The following PBK variants were observed in gnomAD, a reference collection of about 807,000 sequenced individuals.
PBK encodes lymphokine-activated killer T-cell-originated protein kinase.
Under a neutral mutation model 33.5 loss-of-function variants are expected in PBK, and 22 were observed. The observed-to-expected ratio is 0.66, with a 90% CI of 0.47 to 0.94. PBK has a LOEUF of 0.94. PBK is among the 40% of genes least tolerant of loss of function. The pLI, the probability that PBK is intolerant of heterozygous loss-of-function variation, is 0.00. For synonymous variants in PBK, 129 were observed against 123.8 expected, an observed-to-expected ratio of 1.04 and a Z score of -0.28; for missense variants, 376 against 383.4, an observed-to-expected ratio of 0.98 and a Z score of 0.16.
chr8:27,836,401 G>A (rs1316810592), intron 1 of PBK, among the ~76,000 whole-genome samples: 1 of 151,814 alleles, frequency 6.6e-6, no homozygotes, highest in Non-Finnish European at 1.5e-5. Context: ...ACAGAAAGCT[G>A]TTGGAGAGTT....
intron 5 of PBK, among the ~76,000 whole-genome samples, chr8:27,822,088 G>C (rs533614951): frequency 1.3e-5 from 2 of 152,170 alleles, no homozygotes; most frequent in East Asian, 3.9e-4. Flanking sequence ...ATGTCCGCAC[G>C]CACAGTGATG....
intron 1 of PBK, among the ~76,000 whole-genome samples, chr8:27,834,931 A>G (rs954922860): frequency 1.3e-5 from 2 of 152,014 alleles, no homozygotes; most frequent in African/African-American, 2.4e-5. Context: ...GAAAATGTAC[A>G]TACCACATAT....
intron 2 of PBK, among the ~76,000 whole-genome samples, chr8:27,831,539 A>C: frequency 9.2e-6 from 1 of 109,112 alleles, no homozygotes; most frequent in African/African-American, 4.3e-5. Flanking sequence ...TATCATTGAC[A>C]TTTGTAGAAC....
At chr8:27,829,929 GT>G (rs200107672) in intron 2 of PBK, among the ~76,000 whole-genome samples, 2,447 of 151,780 alleles carry the variant, frequency 0.016, 59 homozygotes, top group African/African-American at 0.054. Flanking sequence ...GAGGCCAAGA[GT>G]GGTGGCTCAC....
At chr8:27,835,714 G>T (rs754988488) in intron 1 of PBK, among the ~76,000 whole-genome samples, 2 of 152,186 alleles carry the variant, frequency 1.3e-5, no homozygotes, top group Non-Finnish European at 2.9e-5. Flanking sequence ...ACCATGCCCG[G>T]CTAATTTTTT....
chr8:27,834,715 G>A (rs1259511832), intron 1 of PBK, among the ~76,000 whole-genome samples: 4 of 152,116 alleles, frequency 2.6e-5, no homozygotes, highest in Non-Finnish European at 2.9e-5. Context: ...CCAACATGGC[G>A]AAACCTCGTC....
At position 27,810,260 on chromosome 8, in the gene PBK, A is replaced by T; in HGVS notation, c.*45T>A. 1.5e-6 allele frequency: 2 copies of T among 1,297,724 alleles called. No individual in the cohort carries two copies. Among genetic ancestry groups the T allele is most frequent in the Non-Finnish European group, 2.2e-6 (2 of 901,552 alleles). The allele number at this position is 1,297,724 out of a possible 1,614,324, so 80.4% of individuals were successfully genotyped here. Reference sequence around the variant, plus strand: ...GATAGTAACTATGTAAATATTTTGGAATAAACAGTTATTTACGCAAGCCAC... The same window carrying T: ...GATAGTAACTATGTAAATATTTTGGTATAAACAGTTATTTACGCAAGCCAC... On this transcript the variant is annotated 3_prime_UTR_variant, in exon 8 of 8. Transcript: ENST00000301905.
At chr8:27,837,253 T>C (rs1006486902) in intron 1 of PBK, among the ~76,000 whole-genome samples, 1 of 152,198 alleles carries the variant, frequency 6.6e-6, no homozygotes, top group Non-Finnish European at 1.5e-5. Flanking sequence ...CAAACGTCAG[T>C]GACCTTTGGG....
At chr8:27,818,767 G>T (rs1805865728) in intron 6 of PBK, among the ~76,000 whole-genome samples, 1 of 151,916 alleles carries the variant, frequency 6.6e-6, no homozygotes. Flanking sequence ...GGTACCCATG[G>T]CTTTTTAATG....
intron 6 of PBK, among the ~76,000 whole-genome samples, chr8:27,818,950 C>A (rs1563490413): frequency 6.6e-6 from 1 of 152,110 alleles, no homozygotes; most frequent in Non-Finnish European, 1.5e-5. Flanking sequence ...CAGATAACAT[C>A]ATTTACTGAC....
Position 27,810,373 on chromosome 8 carries a change from T to C in PBK, c.901A>G (p.Thr301Ala). ...QKVIELFSVC[T>A]NEDPKDRPSA... ...GGACGATCTTTAGGGTCTTCATTAG[T>C]GCATACAGAGAAGAGTTCAATTACT... Residue 301 changes from threonine (T) to alanine (A), a missense_variant, in exon 8 of 8, where the codon ACT becomes GCT. Coordinates refer to ENST00000301905, the MANE Select transcript of PBK (RefSeq NM_018492.4). 6.2e-7 allele frequency: 1 copy of C among 1,611,364 alleles called. No individual in the cohort carries two copies.
chr8:27,833,509 C>CA (rs112911608), intron 1 of PBK, among the ~76,000 whole-genome samples: 213 of 106,732 alleles, frequency 2.0e-3, no homozygotes, highest in East Asian at 5.2e-3. Flanking sequence ...AACTCCGTCT[C>CA]AAAAAAAAAA....
Position 27,811,034 on chromosome 8 carries a change from G to A in PBK, c.696C>T (p.Ala232=). The A allele has an allele frequency of 2.5e-6, 4 of 1,613,018 alleles. No individual in the cohort carries two copies. The highest frequency in any genetic ancestry group is 2.5e-6 in the Non-Finnish European group (3 of 1,179,032). The part of the protein sequence containing the change: ...GVITDKADIF[A]FGLTLWEMMT... ...TCATTTCCCACAAAGTAAGGCCAAA[G>A]GCAAATATGTCTGCCTTGTCAGTAA... is the stretch of plus-strand genomic sequence containing the variant. Residue 232 remains alanine, a synonymous_variant, in exon 7 of 8, where the codon GCC becomes GCT. Coordinates refer to ENST00000301905, the MANE Select transcript of PBK (RefSeq NM_018492.4).
intron 4 of PBK, 66 bp downstream of exon 4, chr8:27,822,997 A>C: frequency 1.0e-6 from 1 of 973,646 alleles, no homozygotes; most frequent in East Asian, 2.5e-5. Context: ...CAGTTAAGAG[A>C]GCATATAAGC....
intron 3 of PBK, among the ~76,000 whole-genome samples, chr8:27,826,166 GA>G (rs575395960): frequency 6.6e-6 from 1 of 151,512 alleles, no homozygotes; most frequent in Non-Finnish European, 1.5e-5. Flanking sequence ...GTGTAAGCTA[GA>G]AAAAAAACAA....
Position 27,810,157 on chromosome 8 carries a change from A to G in PBK, c.*148T>C. 4.9e-6 allele frequency: 3 copies of G among 618,478 alleles called. No individual in the cohort carries two copies. The highest frequency in any genetic ancestry group is 8.5e-6 in the Non-Finnish European group (3 of 352,358). The allele number at this position is 618,478 out of a possible 1,614,324, so 38.3% of individuals were successfully genotyped here. On this transcript the variant is annotated 3_prime_UTR_variant, in exon 8 of 8. Transcript: ENST00000301905. ...CTTATAGCCAATATAAGCATATTTCATATTAGAAATAGTTATCCATATGTT... is the reference window on the plus strand; with the variant it reads ...CTTATAGCCAATATAAGCATATTTCGTATTAGAAATAGTTATCCATATGTT...
chr8:27,810,574 T>C (rs1805658046), intron 7 of PBK, 73 bp from the exon 8 acceptor site: 1 of 817,604 alleles, frequency 1.2e-6, no homozygotes, highest in African/African-American at 1.7e-5. Context: ...AGCTCACCCT[T>C]CTCCTGAAAC....
At position 27,810,106 on chromosome 8, in the gene PBK, C is replaced by T; in HGVS notation, c.*199G>A. ...TATGTAGCTAGTTTCTAAAACTTTA[C>T]AGAAAACCCAGTACAATTCCAAGTG... On this transcript the variant is annotated 3_prime_UTR_variant, in exon 8 of 8. Coordinates refer to ENST00000301905, the MANE Select transcript of PBK (RefSeq NM_018492.4). 1.9e-6 allele frequency: 1 copy of T among 526,216 alleles called. No individual in the cohort carries two copies. The highest frequency in any genetic ancestry group is 3.3e-5 in the East Asian group (1 of 30,160). 32.6% of individuals were successfully genotyped at this position (526,216 alleles called of 1,614,324 possible).
chr8:27,820,109 A>C lies in PBK; in HGVS notation c.595+456T>G, dbSNP rs1283865917. Among the ~76,000 whole-genome samples, 4 of 152,176 alleles carry C rather than the reference A, an allele frequency of 2.6e-5. No homozygotes were observed. The East Asian group carries it at 7.7e-4, about 29-fold the overall frequency. On this transcript the variant is annotated intron_variant, in intron 6 of 7. Transcript: ENST00000301905. ...AGAACATATCTTAAATTCCCTGAGA[A>C]GCTATGCAATAGAGAAGAAAGGGCA...
Sources: gnomAD v4.1 joint callset for allele counts (sites outside exome capture counted in the v4.1 genomes callset) on GRCh38, gnomAD v4.1.1 for gene constraint, MANE v1.5 for transcripts, NCBI Gene and HGNC (gene_info 2026-07-23, HGNC 2026-07-21) for gene names.